The following DNAJC1 variants were observed in gnomAD, a reference collection of about 807,000 sequenced individuals.
The protein encoded by DNAJC1 is dnaJ homolog subfamily C member 1.
Under a neutral mutation model 76.6 loss-of-function variants are expected in DNAJC1, and 58 were observed. That is an observed-to-expected ratio of 0.76 (90% CI 0.61 to 0.94). The LOEUF is 0.94. Among genes scored for constraint, DNAJC1 ranks in the 40% least tolerant of loss-of-function variants. DNAJC1 has a pLI of 0.00. For missense variants in DNAJC1, 689 were observed against 677.3 expected (o/e 1.02, Z -0.19); for synonymous variants, 258 against 267.9 (o/e 0.96, Z 0.36).
chr10:21,771,696 C>T (rs1834379884), intron 9 of DNAJC1, among the ~76,000 whole-genome samples: 1 of 152,128 alleles, frequency 6.6e-6, no homozygotes, highest in Non-Finnish European at 1.5e-5. Flanking sequence ...TAGGGTTTCA[C>T]CACATTGGCC....
At position 21,991,506 on chromosome 10, in the gene DNAJC1, T is replaced by C. The variant is rs535001067; in HGVS notation, c.222+11707A>G. 2.2e-4 allele frequency among the ~76,000 whole-genome samples: 34 copies of C among 152,242 alleles called. 1 individual carries two copies. The South Asian group carries it at 6.2e-3, about 28-fold the overall frequency. On this transcript the variant is annotated intron_variant, in intron 1 of 11. Transcript: ENST00000376980. The stretch of plus-strand genomic sequence containing the variant: ...TATAGATAAGTAACTAGGAATATGA[T>C]AGCTAGCACAATTGGAACAACCTAA...
chr10:21,875,562 C>T (rs1261960052), intron 8 of DNAJC1, among the ~76,000 whole-genome samples: 1 of 152,162 alleles, frequency 6.6e-6, no homozygotes. Flanking sequence ...CACTTCTATT[C>T]TATATTGTAT....
chr10:21,839,689 C>T (rs1311783144), intron 8 of DNAJC1, among the ~76,000 whole-genome samples: 1 of 152,194 alleles, frequency 6.6e-6, no homozygotes, highest in African/African-American at 2.4e-5. Flanking sequence ...GGAGCTGGTA[C>T]CATTCCTTCT....
At chr10:21,947,381 C>T (rs944463516) in intron 1 of DNAJC1, among the ~76,000 whole-genome samples, 5 of 152,158 alleles carry the variant, frequency 3.3e-5, no homozygotes, top group Admixed American at 1.3e-4. Flanking sequence ...ACTTCCTCCA[C>T]CTCTTCTGCC....
At chr10:21,899,442 C>G (rs1836606907) in intron 7 of DNAJC1, among the ~76,000 whole-genome samples, 1 of 152,234 alleles carries the variant, frequency 6.6e-6, no homozygotes, top group African/African-American at 2.4e-5. Context: ...CTACCTGAGA[C>G]AGGACCTGGG....
At chr10:21,778,420 A>G (rs1206701239) in intron 9 of DNAJC1, among the ~76,000 whole-genome samples, 1 of 152,198 alleles carries the variant, frequency 6.6e-6, no homozygotes, top group African/African-American at 2.4e-5. Flanking sequence ...TCACATTACT[A>G]ATGAAATATC....
In DNAJC1 at chr10:21,966,182, T is replaced by C. The variant is rs530180492; in HGVS notation, c.222+37031A>G. ...AACCATGTAAGTTATATTGTACCCA[T>C]CTCTGTGCATCCTATTGGGGGTAAA... On this transcript the variant is annotated intron_variant, in intron 1 of 11. Transcript: ENST00000376980. 4.6e-5 allele frequency among the ~76,000 whole-genome samples: 7 copies of C among 152,318 alleles called. 1 individual carries two copies. The South Asian group carries it at 1.5e-3, about 32-fold the overall frequency.
chr10:21,816,423 A>T (rs1301214315), intron 8 of DNAJC1, among the ~76,000 whole-genome samples: 1 of 150,460 alleles, frequency 6.6e-6, no homozygotes, highest in Non-Finnish European at 1.5e-5. Context: ...AAATCAATTG[A>T]CCAGCTGGGT....
intron 1 of DNAJC1, among the ~76,000 whole-genome samples, chr10:21,986,952 G>C (rs756057528): frequency 3.9e-5 from 6 of 152,062 alleles, no homozygotes; most frequent in Non-Finnish European, 7.4e-5. Flanking sequence ...ATTTTTAGTA[G>C]AGACGGGGTT....
At chr10:21,970,531 A>G (rs1837960386) in intron 1 of DNAJC1, among the ~76,000 whole-genome samples, 1 of 152,008 alleles carries the variant, frequency 6.6e-6, no homozygotes, top group African/African-American at 2.4e-5. Context: ...AAGAGGGGAG[A>G]AAATACTTGC....
chr10:21,820,698 C>T (rs1359451013), intron 8 of DNAJC1, among the ~76,000 whole-genome samples: 1 of 152,220 alleles, frequency 6.6e-6, no homozygotes, highest in East Asian at 1.9e-4. Context: ...GAAGCCTGGG[C>T]CTCCAGAACT....
intron 8 of DNAJC1, among the ~76,000 whole-genome samples, chr10:21,838,841 C>G (rs1441716793): frequency 6.6e-6 from 1 of 152,122 alleles, no homozygotes; most frequent in Non-Finnish European, 1.5e-5. Flanking sequence ...ACTGACCACA[C>G]AGTTGGAAGT....
At chr10:21,845,574 C>T (rs1042411713) in intron 8 of DNAJC1, among the ~76,000 whole-genome samples, 6 of 151,914 alleles carry the variant, frequency 3.9e-5, no homozygotes, top group East Asian at 1.9e-4. Flanking sequence ...AGGCTGGTCT[C>T]GAAATCTTGA....
intron 8 of DNAJC1, among the ~76,000 whole-genome samples, chr10:21,832,723 A>G (rs1210349596): frequency 1.3e-5 from 2 of 152,198 alleles, no homozygotes; most frequent in Non-Finnish European, 2.9e-5. Flanking sequence ...AAATCTTCTA[A>G]TGGGTCCTTC....
chr10:21,760,317 A>G (rs1302456246), intron 10 of DNAJC1, among the ~76,000 whole-genome samples: 1 of 152,198 alleles, frequency 6.6e-6, no homozygotes, highest in African/African-American at 2.4e-5. Context: ...AAAGCTTTAA[A>G]CCTTTTAATA....
intron 1 of DNAJC1, chr10:21,933,370 A>G (rs925963642): frequency 6.6e-6 from 1 of 152,530 alleles, no homozygotes; most frequent in Non-Finnish European, 1.5e-5. Context: ...GAACCTCCAA[A>G]CAAGCTCTCA....
intron 6 of DNAJC1, among the ~76,000 whole-genome samples, chr10:21,917,243 C>T (rs541249078): frequency 1.3e-5 from 2 of 152,134 alleles, no homozygotes; most frequent in South Asian, 4.1e-4. Context: ...GAATTAACAG[C>T]TATCACAGGC....
chr10:21,870,320 C>T (rs1836082449), intron 8 of DNAJC1, among the ~76,000 whole-genome samples: 1 of 151,990 alleles, frequency 6.6e-6, no homozygotes, highest in South Asian at 2.1e-4. Flanking sequence ...TTTTTAAAAA[C>T]TTAGACTGAT....
At chr10:21,906,479 T>C (rs935556897) in intron 6 of DNAJC1, among the ~76,000 whole-genome samples, 1 of 152,030 alleles carries the variant, frequency 6.6e-6, no homozygotes, top group Admixed American at 6.6e-5. Context: ...TAGGTTTTAA[T>C]AGTAGGGAAG....
Sources: gnomAD v4.1 joint callset for allele counts (sites outside exome capture counted in the v4.1 genomes callset) on GRCh38, gnomAD v4.1.1 for gene constraint, MANE v1.5 for transcripts, NCBI Gene and HGNC (gene_info 2026-07-23, HGNC 2026-07-21) for gene names.